The following GLB1 variants were observed in gnomAD, a reference collection of about 807,000 sequenced individuals.
GLB1 encodes the protein galactosidase beta 1, also known as beta-galactosidase.
In GLB1, 56 loss-of-function variants were observed where a neutral mutation model predicts 74.0. That is an observed-to-expected ratio of 0.76 (90% CI 0.61 to 0.94). The LOEUF is 0.94. Among genes scored for constraint, GLB1 ranks in the 40% least tolerant of loss-of-function variants. The pLI is 0.00. For missense variants in GLB1, 787 were observed against 845.5 expected, an observed-to-expected ratio of 0.93 and a Z score of 0.86; for synonymous variants, 323 against 323.6, an observed-to-expected ratio of 1.00 and a Z score of 0.02.
intron 10 of GLB1, chr3:33,033,906 T>C (rs1417476434): frequency 7.4e-6 from 4 of 538,678 alleles, no homozygotes; most frequent in Non-Finnish European, 1.5e-5. Context: ...CATAAGGATA[T>C]GATTTATGAT....
rs1309516618 is a variant in GLB1 at position 33,072,585 on chromosome 3, C to A, written c.204G>T (p.Arg68=). 1 of 1,613,986 alleles carries A rather than the reference C, an allele frequency of 6.2e-7. No individual in the cohort carries two copies. The highest frequency in any genetic ancestry group is 8.5e-7 in the Non-Finnish European group (1 of 1,180,050). ...GCCCAGCCATCTTCATCTTCAGCAG[C>A]CGGTCCTTCCAGTAGAAGCGGGGCA... ...SRVPRFYWKD[R]LLKMKMAGLN... The change falls in exon 2 of 16, where the codon CGG becomes CGT. Residue 68 remains arginine (R), a synonymous_variant. Transcript: ENST00000307363.
At chr3:33,035,158 G>A (rs1268944439) in intron 10 of GLB1, among the ~76,000 whole-genome samples, 8 of 152,122 alleles carry the variant, frequency 5.3e-5, no homozygotes, top group Admixed American at 2.0e-4. Context: ...TAGGCTGGGC[G>A]CAGTTGCCCA....
At chr3:33,080,907 T>C (rs749030101) in intron 1 of GLB1, among the ~76,000 whole-genome samples, 40 of 152,310 alleles carry the variant, frequency 2.6e-4, no homozygotes, top group Middle Eastern at 3.4e-3. Flanking sequence ...GAATGTCAAA[T>C]AGCAAGAACC....
intron 5 of GLB1, among the ~76,000 whole-genome samples, chr3:33,062,186 C>T (rs987278348): frequency 1.3e-5 from 2 of 152,094 alleles, no homozygotes; most frequent in African/African-American, 4.8e-5. Context: ...TTTTTTGAGA[C>T]AGAGTCTCAC....
chr3:33,095,628 A>G (rs1700991656), intron 1 of GLB1, among the ~76,000 whole-genome samples: 1 of 152,086 alleles, frequency 6.6e-6, no homozygotes, highest in Admixed American at 6.5e-5. Flanking sequence ...CCCTGACCCA[A>G]TGACGCTGCA....
chr3:33,040,489 G>C (rs1185091205), intron 10 of GLB1, among the ~76,000 whole-genome samples: 1 of 152,148 alleles, frequency 6.6e-6, no homozygotes, highest in Non-Finnish European at 1.5e-5. Context: ...GCACATGCCT[G>C]TAGTCCCAGC....
intron 1 of GLB1, among the ~76,000 whole-genome samples, chr3:33,089,194 G>T (rs1229995931): frequency 6.6e-6 from 1 of 152,062 alleles, no homozygotes; most frequent in Non-Finnish European, 1.5e-5. Flanking sequence ...AAGAAAACAT[G>T]GGGAAAAAAG....
chr3:33,055,539 C>A (rs937111788), intron 6 of GLB1, among the ~76,000 whole-genome samples: 8 of 148,004 alleles, frequency 5.4e-5, no homozygotes, highest in Admixed American at 4.1e-4. Context: ...CAGCTCACTG[C>A]AACCTCTGGC....
chr3:33,007,148 T>G (rs1392408369), intron 15 of GLB1, among the ~76,000 whole-genome samples: 2 of 152,216 alleles, frequency 1.3e-5, no homozygotes, highest in Non-Finnish European at 2.9e-5. Flanking sequence ...GTAGGATGTG[T>G]GTGTACCCTT....
At chr3:32,983,717 T>G in the GLB1 span, among the ~76,000 whole-genome samples, 5 of 152,170 alleles carry the variant, frequency 3.3e-5, no homozygotes, top group South Asian at 2.1e-4. Flanking sequence ...CTCACTCTGT[T>G]GCCCAGGCTG....
chr3:33,005,663 C>CA (rs1249108013), intron 15 of GLB1, among the ~76,000 whole-genome samples: 5 of 152,110 alleles, frequency 3.3e-5, no homozygotes, highest in Admixed American at 6.5e-5. Context: ...CCAGCTAATT[C>CA]AAAAATTTTT....
chr3:33,076,839 A>C (rs1327825008), intron 1 of GLB1, among the ~76,000 whole-genome samples: 1 of 152,228 alleles, frequency 6.6e-6, no homozygotes, highest in African/African-American at 2.4e-5. Flanking sequence ...AGAAAGAGTC[A>C]AGCAGTTTAC....
chr3:33,051,797 A>G lies in GLB1; in HGVS notation c.916T>C (p.Tyr306His). 6.2e-7 allele frequency: 1 copy of G among 1,614,148 alleles called. No homozygotes were observed. The highest frequency in any genetic ancestry group is 8.5e-7 in the Non-Finnish European group (1 of 1,180,022). ...AAATTGGTCCCACCTATAAACATGT[A>G]CCTACAAGGAAACAAAAGAACACGG... Reference protein sequence around the residue: ...ILARGASVNLYMFIGGTNFAY... With the variant: ...ILARGASVNLHMFIGGTNFAY... The change falls in exon 9 of 16, where the codon TAC (tyrosine) becomes CAC (histidine). Residue 306 changes from tyrosine (Y) to histidine (H), a missense_variant and splice_region_variant. Physicochemically the swap from Tyr to His is moderately conservative, Grantham distance 83. Transcript: ENST00000307363.
intron 11 of GLB1, among the ~76,000 whole-genome samples, chr3:33,022,564 ATTTTTTT>A (rs61013692): frequency 1.3e-4 from 8 of 63,746 alleles, no homozygotes; most frequent in Non-Finnish European, 2.3e-4. Context: ...ACTGGTTAGG[ATTTTTTT>A]TTTTTTTTTT....
At chr3:32,967,074 C>G in the GLB1 span, among the ~76,000 whole-genome samples, 1 of 152,158 alleles carries the variant, frequency 6.6e-6, no homozygotes, top group Non-Finnish European at 1.5e-5. Flanking sequence ...AGGAACAAGA[C>G]TAGGATGTCT....
the GLB1 span, among the ~76,000 whole-genome samples, chr3:32,981,399 C>CAAAA: frequency 2.2e-4 from 20 of 90,466 alleles, no homozygotes; most frequent in African/African-American, 6.8e-4. Flanking sequence ...GACTCCATCT[C>CAAAA]AAAAAAAAAA....
At chr3:33,078,086 A>G (rs1700188694) in intron 1 of GLB1, among the ~76,000 whole-genome samples, 1 of 152,100 alleles carries the variant, frequency 6.6e-6, no homozygotes, top group African/African-American at 2.4e-5. Flanking sequence ...AAATAAATAA[A>G]CAAACAAAAT....
chr3:33,070,746 G>A (rs1191528007), intron 2 of GLB1, among the ~76,000 whole-genome samples: 1 of 152,142 alleles, frequency 6.6e-6, no homozygotes, highest in African/African-American at 2.4e-5. Flanking sequence ...CTACTCAGGA[G>A]GCTGAGGTGG....
At chr3:33,036,516 G>A (rs1230978002) in intron 10 of GLB1, among the ~76,000 whole-genome samples, 4 of 152,090 alleles carry the variant, frequency 2.6e-5, no homozygotes, top group Non-Finnish European at 5.9e-5. Flanking sequence ...TCCACTTCTA[G>A]GTATGTCCCT....
Sources: gnomAD v4.1 joint callset for allele counts (sites outside exome capture counted in the v4.1 genomes callset) on GRCh38, gnomAD v4.1.1 for gene constraint, MANE v1.5 for transcripts, NCBI Gene and HGNC (gene_info 2026-07-23, HGNC 2026-07-21) for gene names.